DTNA: variants seen among roughly 807,000 people sequenced by gnomAD.
The protein encoded by DTNA is dystrophin-related protein 3.
A neutral mutation model predicts 100.7 loss-of-function variants in DTNA; 43 were observed. The observed-to-expected ratio is 0.43, with a 90% confidence interval of 0.33 to 0.55. The LOEUF (loss-of-function observed/expected upper bound fraction) is 0.55, where lower values mean the gene tolerates loss of function less well. Ranked by LOEUF, DTNA falls within the 20% of genes least tolerant of loss-of-function variation. The pLI is 0.04. For missense variants in DTNA, 798 were observed against 953.9 expected (o/e 0.84, Z 2.15); for synonymous variants, 349 against 347.9 (o/e 1.00, Z -0.04).
intron 3 of DTNA, among the ~76,000 whole-genome samples, chr18:34,785,156 G>A (rs545552559): frequency 2.6e-5 from 4 of 151,948 alleles, no homozygotes; most frequent in African/African-American, 7.2e-5. Context: ...CTCATGATCC[G>A]CCCTCCTCAG....
In DTNA at chr18:34,848,316, G is replaced by A. The variant is rs777787083; in HGVS notation, c.1367G>A (p.Arg456Gln). The A allele has an allele frequency of 2.2e-5, 35 of 1,613,834 alleles. No homozygotes were observed. In the East Asian group the frequency reaches 2.7e-4, roughly 12 times the overall value. Reference sequence around the variant, plus strand: ...AATAGCATGCTTGAGAGTTCAAACCGGCTTGATGAAGAACACAGGCTAATT... The same window carrying A: ...AATAGCATGCTTGAGAGTTCAAACCAGCTTGATGAAGAACACAGGCTAATT... ...NPSCMLESSN[R>Q]LDEEHRLIAR... The change falls in exon 14 of 23, where the codon CGG (arginine) becomes CAG (glutamine). Residue 456 changes from arginine (R) to glutamine (Q), a missense_variant. Coordinates refer to ENST00000444659, the MANE Select transcript of DTNA (RefSeq NM_001386795.1).
chr18:34,709,383 G>A (rs967143296), upstream of DTNA: 2 of 152,224 alleles, frequency 1.3e-5, no homozygotes, highest in African/African-American at 4.8e-5. Context: ...CATCCCTGGA[G>A]GACGGGGGCA....
intron 1 of DTNA, among the ~76,000 whole-genome samples, chr18:34,519,963 C>T (rs910347759): frequency 4.6e-5 from 7 of 152,266 alleles, no homozygotes; most frequent in African/African-American, 1.4e-4. Flanking sequence ...ACCTATAACT[C>T]ACATTGTAAT....
intron 1 of DTNA, among the ~76,000 whole-genome samples, chr18:34,723,937 A>G (rs1212733770): frequency 6.6e-6 from 1 of 152,146 alleles, no homozygotes; most frequent in African/African-American, 2.4e-5. Flanking sequence ...AAAAACTATG[A>G]AAAATATTAA....
At chr18:34,799,063 GT>G (rs2095105671) in intron 4 of DTNA, among the ~76,000 whole-genome samples, 1 of 152,118 alleles carries the variant, frequency 6.6e-6, no homozygotes, top group Admixed American at 6.5e-5. Flanking sequence ...AATCTTTCCA[GT>G]TTCTGGTATT....
chr18:34,818,703 T>C (rs1352267569), intron 8 of DTNA: 4 of 1,037,510 alleles, frequency 3.9e-6, no homozygotes, highest in Non-Finnish European at 4.8e-6. Context: ...AAAATTATTG[T>C]TAGTTTTATT....
chr18:34,735,075 TAC>T (rs145560396), intron 1 of DTNA, among the ~76,000 whole-genome samples: 6 of 151,906 alleles, frequency 3.9e-5, no homozygotes, highest in African/African-American at 1.2e-4. Context: ...CATATATATA[TAC>T]ACACACACAC....
chr18:34,770,206 A>C (rs1040096709), intron 3 of DTNA, among the ~76,000 whole-genome samples: 1 of 152,242 alleles, frequency 6.6e-6, no homozygotes, highest in Non-Finnish European at 1.5e-5. Flanking sequence ...TACTTCGTAG[A>C]AATCAGTGGA....
intron 1 of DTNA, among the ~76,000 whole-genome samples, chr18:34,712,402 A>G (rs1223688045): frequency 6.6e-6 from 1 of 152,132 alleles, no homozygotes; most frequent in Non-Finnish European, 1.5e-5. Context: ...AAAATGAAAA[A>G]AAATCTACAG....
chr18:34,627,242 G>T (rs888954018), intron 1 of DTNA, among the ~76,000 whole-genome samples: 1 of 152,020 alleles, frequency 6.6e-6, no homozygotes, highest in African/African-American at 2.4e-5. Flanking sequence ...TCACTTGGTT[G>T]GTCAAAACAA....
At chr18:34,628,547 T>C (rs746413948) in intron 1 of DTNA, among the ~76,000 whole-genome samples, 1 of 152,214 alleles carries the variant, frequency 6.6e-6, no homozygotes, top group Non-Finnish European at 1.5e-5. Flanking sequence ...TTTTCATTGA[T>C]CCAGATAAAT....
At chr18:34,523,138 A>G (rs1347975307) in intron 1 of DTNA, among the ~76,000 whole-genome samples, 2 of 152,200 alleles carry the variant, frequency 1.3e-5, no homozygotes, top group African/African-American at 4.8e-5. Context: ...CAGTGTTTTC[A>G]CTTGTACATC....
At position 34,590,200 on chromosome 18, in the gene DTNA, A is replaced by G. The variant is rs1053348440; in HGVS notation, c.-2+96686A>G. On this transcript the variant is annotated intron_variant, in intron 1 of 19. Transcript: ENST00000283365. ...AGCATGCTGCTGCTTTGAATCTTCC[A>G]TATTTGTCTGTAGAGCCCCTGTTTT... Among the ~76,000 whole-genome samples the G allele has an allele frequency of 3.3e-5, 5 of 152,136 alleles. No individual in the cohort carries two copies. In the East Asian group the frequency reaches 7.7e-4, roughly 23 times the overall value.
At chr18:34,828,674 A>T (rs1426221406) in intron 10 of DTNA, among the ~76,000 whole-genome samples, 1 of 152,184 alleles carries the variant, frequency 6.6e-6, no homozygotes, top group African/African-American at 2.4e-5. Context: ...CCATAATTGT[A>T]ATTAGCAGAA....
At chr18:34,718,090 C>T (rs993931378) in intron 1 of DTNA, among the ~76,000 whole-genome samples, 8 of 152,090 alleles carry the variant, frequency 5.3e-5, no homozygotes, top group African/African-American at 1.7e-4. Flanking sequence ...TGAAAATTGT[C>T]GATTACTGCA....
intron 1 of DTNA, among the ~76,000 whole-genome samples, chr18:34,497,837 T>C (rs1023718899): frequency 3.3e-5 from 5 of 152,222 alleles, no homozygotes; most frequent in Non-Finnish European, 7.3e-5. Flanking sequence ...CATTATATTA[T>C]GTATTTTTTA....
At chr18:34,867,133 A>G (rs1311725771) in intron 17 of DTNA, 11 of 1,231,230 alleles carry the variant, frequency 8.9e-6, no homozygotes, top group Non-Finnish European at 9.1e-6. Flanking sequence ...CCATGGATCA[A>G]TTAGAACCAC....
chr18:34,722,255 A>G (rs758780525), intron 1 of DTNA, among the ~76,000 whole-genome samples: 12 of 152,202 alleles, frequency 7.9e-5, no homozygotes, highest in Non-Finnish European at 8.8e-5. Flanking sequence ...ATTATAAGCT[A>G]TAATCACAAT....
At chr18:34,846,093 G>A (rs2096372518) in intron 13 of DTNA, among the ~76,000 whole-genome samples, 1 of 152,056 alleles carries the variant, frequency 6.6e-6, no homozygotes, top group Non-Finnish European at 1.5e-5. Flanking sequence ...TTGATACTCA[G>A]TGTTGAACCA....
Sources: gnomAD v4.1 joint callset for allele counts (sites outside exome capture counted in the v4.1 genomes callset) on GRCh38, gnomAD v4.1.1 for gene constraint, MANE v1.5 for transcripts, NCBI Gene and HGNC (gene_info 2026-07-23, HGNC 2026-07-21) for gene names.